Variants in BCAR3 observed in about 807,000 individuals in gnomAD.
BCAR3 encodes the protein BCAR3 adaptor protein, NSP family member, also known as breast cancer anti-estrogen resistance protein 3.
In BCAR3, 37 loss-of-function variants were observed where a neutral mutation model predicts 80.1. The observed-to-expected ratio is 0.46, with a 90% CI of 0.36 to 0.61. The LOEUF (loss-of-function observed/expected upper bound fraction) is 0.61. BCAR3 is among the 20% of genes least tolerant of loss of function. BCAR3 has a pLI of 0.00. For synonymous variants in BCAR3, 389 were observed against 418.9 expected, an observed-to-expected ratio of 0.93 and a Z score of 0.87; for missense variants, 978 against 1,068.2, an observed-to-expected ratio of 0.92 and a Z score of 1.18.
chr1:93,730,158 C>T (rs1193304606), intron 2 of BCAR3, among the ~76,000 whole-genome samples: 1 of 152,090 alleles, frequency 6.6e-6, no homozygotes, highest in African/African-American at 2.4e-5. Context: ...TTGTTTTTAA[C>T]ACATATTATT....
At chr1:93,649,956 A>G (rs907183850) in intron 2 of BCAR3, among the ~76,000 whole-genome samples, 1 of 151,948 alleles carries the variant, frequency 6.6e-6, no homozygotes, top group African/African-American at 2.4e-5. Context: ...ATAAGTGGAC[A>G]GAAGTGTTCC....
At chr1:93,789,191 G>A (rs1306053212) in intron 2 of BCAR3, among the ~76,000 whole-genome samples, 1 of 152,076 alleles carries the variant, frequency 6.6e-6, no homozygotes, top group East Asian at 1.9e-4. Flanking sequence ...GGCCAGGCTG[G>A]TCTCTAACGT....
At chr1:93,614,264 C>T in intron 3 of BCAR3, 1 of 597,748 alleles carries the variant, frequency 1.7e-6, no homozygotes, top group Non-Finnish European at 2.1e-6. Context: ...TAGCTGTCCC[C>T]TCAATTTAGA....
chr1:93,680,123 C>T (rs1303592754), intron 1 of BCAR3, among the ~76,000 whole-genome samples: 1 of 152,162 alleles, frequency 6.6e-6, no homozygotes, highest in African/African-American at 2.4e-5. Flanking sequence ...TTGAAGTAAA[C>T]TTATGAAGTC....
intron 3 of BCAR3, among the ~76,000 whole-genome samples, chr1:93,609,067 G>A (rs889463173): frequency 6.6e-6 from 1 of 152,076 alleles, no homozygotes; most frequent in African/African-American, 2.4e-5. Context: ...CCACACACAC[G>A]CACCGCCACA....
chr1:93,723,757 C>T (rs1183888419), intron 2 of BCAR3, among the ~76,000 whole-genome samples: 1 of 151,988 alleles, frequency 6.6e-6, no homozygotes, highest in Non-Finnish European at 1.5e-5. Flanking sequence ...AGGAGGCAGG[C>T]AAAGGAAAAA....
At chr1:93,595,614 G>A (rs1190671670) in intron 3 of BCAR3, among the ~76,000 whole-genome samples, 1 of 152,194 alleles carries the variant, frequency 6.6e-6, no homozygotes, top group Non-Finnish European at 1.5e-5. Flanking sequence ...ATAAATTAAT[G>A]CAATTATTTT....
intron 2 of BCAR3, among the ~76,000 whole-genome samples, chr1:93,764,773 T>C (rs1652082353): frequency 6.6e-6 from 1 of 152,184 alleles, no homozygotes; most frequent in African/African-American, 2.4e-5. Context: ...GTCAGAATGC[T>C]TCCTCTCTTC....
chr1:93,642,343 C>T lies in BCAR3; in HGVS notation c.318G>A (p.Arg106=). Residue 106 remains arginine, a splice_region_variant and synonymous_variant, in exon 3 of 12, where the codon AGG becomes AGA. Coordinates refer to ENST00000260502, the MANE Select transcript of BCAR3 (RefSeq NM_003567.4). ...QDRHGETFTF[R]DPHLLDPTVE... ...CAGTTGGGTCCAGAAGATGTGGATC[C>T]CTGAAAAGAGAAAATATAAATATGA... The T allele has an allele frequency of 1.2e-6, 2 of 1,612,310 alleles. No homozygotes were observed. The highest frequency in any genetic ancestry group is 4.5e-5 in the East Asian group (2 of 44,880).
chr1:93,639,953 T>C (rs753621096), intron 3 of BCAR3, among the ~76,000 whole-genome samples: 1 of 152,212 alleles, frequency 6.6e-6, no homozygotes, highest in African/African-American at 2.4e-5. Context: ...ATTTGGCTTC[T>C]TGATGCTTGT....
chr1:93,799,616 T>A (rs1212418557), intron 2 of BCAR3, among the ~76,000 whole-genome samples: 3 of 152,236 alleles, frequency 2.0e-5, no homozygotes, highest in Admixed American at 2.0e-4. Context: ...AGATAACTTA[T>A]GTCTTGTTTC....
intron 8 of BCAR3, among the ~76,000 whole-genome samples, chr1:93,572,205 C>T (rs1308247035): frequency 6.6e-6 from 1 of 152,166 alleles, no homozygotes; most frequent in Non-Finnish European, 1.5e-5. Flanking sequence ...ACAGCAGGTC[C>T]CCCAAAACGC....
chr1:93,657,011 C>T (rs1051091380), intron 2 of BCAR3, among the ~76,000 whole-genome samples: 6 of 152,176 alleles, frequency 3.9e-5, no homozygotes, highest in Non-Finnish European at 7.3e-5. Flanking sequence ...ACCTGAGTAG[C>T]ATTCTGTTGA....
At chr1:93,623,893 C>G (rs576472754) in intron 3 of BCAR3, among the ~76,000 whole-genome samples, 2 of 152,290 alleles carry the variant, frequency 1.3e-5, no homozygotes, top group South Asian at 4.1e-4. Context: ...TGAAAACATG[C>G]ATATTATACA....
chr1:93,601,365 G>C (rs539314579), intron 3 of BCAR3, among the ~76,000 whole-genome samples: 11 of 152,194 alleles, frequency 7.2e-5, no homozygotes, highest in Non-Finnish European at 1.3e-4. Flanking sequence ...TTAGGCACAG[G>C]TTTGTTTATT....
intron 3 of BCAR3, among the ~76,000 whole-genome samples, chr1:93,608,259 C>G (rs1372341506): frequency 6.6e-6 from 1 of 152,188 alleles, no homozygotes; most frequent in Non-Finnish European, 1.5e-5. Context: ...GCACTGTGGA[C>G]ACACACTGGA....
At chr1:93,675,925 C>CAAAAAA (rs58706715) in intron 1 of BCAR3, among the ~76,000 whole-genome samples, 1,403 of 51,382 alleles carry the variant, frequency 0.027, 82 homozygotes, top group East Asian at 0.038. Context: ...AAATAGGAGA[C>CAAAAAA]AAAAAAAAAA....
chr1:93,695,044 G>A (rs1486020111), intron 3 of BCAR3, among the ~76,000 whole-genome samples: 1 of 151,964 alleles, frequency 6.6e-6, no homozygotes, highest in African/African-American at 2.4e-5. Flanking sequence ...CATTCCCCTC[G>A]CCCTCCCACA....
At chr1:93,846,672 G>A (rs933484390) in intron 1 of BCAR3, among the ~76,000 whole-genome samples, 1 of 151,802 alleles carries the variant, frequency 6.6e-6, no homozygotes, top group Non-Finnish European at 1.5e-5. Flanking sequence ...ACATGCACCC[G>A]CATACGCATG....
Sources: allele counts gnomAD v4.1 joint callset (sites outside exome capture counted in the v4.1 genomes callset), GRCh38; gene constraint gnomAD v4.1.1; transcripts MANE v1.5; gene names NCBI Gene and HGNC (gene_info 2026-07-23, HGNC 2026-07-21).